DHX15: variants seen among roughly 807,000 people sequenced by gnomAD.
DHX15 encodes the protein DEAH-box helicase 15.
DHX15 carries 11 observed loss-of-function variants against 94.4 expected under a neutral mutation model. That is an observed-to-expected ratio of 0.12 (90% CI 0.07 to 0.19). The LOEUF (loss-of-function observed/expected upper bound fraction) is 0.19. Ranked by LOEUF, DHX15 falls within the 10% of genes least tolerant of loss-of-function variation. The pLI, the probability that DHX15 is intolerant of heterozygous loss-of-function variation, is 1.00. For synonymous variants in DHX15, 338 were observed against 329.9 expected, an observed-to-expected ratio of 1.02 and a Z score of -0.27; for missense variants, 304 against 988.5, an observed-to-expected ratio of 0.31 and a Z score of 9.29.
intron 5 of DHX15, among the ~76,000 whole-genome samples, chr4:24,550,003 G>C (rs1398485516): frequency 2.1e-5 from 3 of 145,904 alleles, no homozygotes; most frequent in African/African-American, 7.7e-5. Flanking sequence ...TGAGGCGGGA[G>C]AATCGCTTGA....
intron 5 of DHX15, among the ~76,000 whole-genome samples, chr4:24,549,702 T>C (rs1460562107): frequency 6.6e-6 from 1 of 152,140 alleles, no homozygotes; most frequent in Non-Finnish European, 1.5e-5. Context: ...GCTACAAACC[T>C]GAGGAGCATG....
At chr4:24,531,145 G>C (rs1486304608) in intron 12 of DHX15, among the ~76,000 whole-genome samples, 2 of 150,948 alleles carry the variant, frequency 1.3e-5, no homozygotes, top group Admixed American at 1.3e-4. Context: ...CTGGAGTGCA[G>C]TGGCGCTATC....
chr4:24,546,940 CA>C (rs1437329453), intron 6 of DHX15, among the ~76,000 whole-genome samples: 1 of 143,352 alleles, frequency 7.0e-6, no homozygotes, highest in African/African-American at 2.5e-5. Context: ...CAATTAGACA[CA>C]AACAGTAAGT....
chr4:24,582,080 A>T (rs1722429301), intron 1 of DHX15, among the ~76,000 whole-genome samples: 1 of 152,210 alleles, frequency 6.6e-6, no homozygotes, highest in East Asian at 1.9e-4. Context: ...GGAAAAAAAA[A>T]ATCTGCAGGA....
At chr4:24,541,730 A>C (rs1477244480) in intron 8 of DHX15, 143 bp downstream of exon 8, 2 of 798,948 alleles carry the variant, frequency 2.5e-6, no homozygotes, top group Non-Finnish European at 3.8e-6. Context: ...TAAGTTAATT[A>C]CACCATACAT....
chr4:24,573,620 A>T lies in DHX15; in HGVS notation c.507+2623T>A, dbSNP rs1003251149. 4.5e-4 allele frequency among the ~76,000 whole-genome samples: 68 copies of T among 151,994 alleles called. 1 individual carries two copies. The highest frequency in any genetic ancestry group is 4.3e-4 in the African/African-American group (18 of 41,452). On this transcript the variant is annotated intron_variant, in intron 2 of 13. Coordinates refer to ENST00000336812, the MANE Select transcript of DHX15 (RefSeq NM_001358.3). ...TGTTCACTAGACAGGAGTTTTTTTA[A>T]AAAAAAATCCTCATCATTCCTCTTC...
chr4:24,569,491 C>A (rs1722069120), intron 3 of DHX15, among the ~76,000 whole-genome samples: 2 of 145,726 alleles, frequency 1.4e-5, no homozygotes, highest in South Asian at 4.4e-4. Context: ...ACCTGAGAGG[C>A]TGAGGCAGGA....
At chr4:24,581,035 A>AT (rs201573984) in intron 1 of DHX15, 9,229 of 144,018 alleles carry the variant, frequency 0.064, 339 homozygotes, top group African/African-American at 0.11. Flanking sequence ...ATTTTTTATT[A>AT]TTTTTTTTTT....
At chr4:24,547,939 ATATC>A (rs1488939223) in intron 6 of DHX15, among the ~76,000 whole-genome samples, 14 of 27,158 alleles carry the variant, frequency 5.2e-4, no homozygotes, top group Admixed American at 1.2e-3. Context: ...ATATATATAT[ATATC>A]TATATCTATA....
chr4:24,539,421 A>G (rs1721260913), intron 10 of DHX15, among the ~76,000 whole-genome samples: 1 of 152,118 alleles, frequency 6.6e-6, no homozygotes, highest in South Asian at 2.1e-4. Flanking sequence ...GGAAAATCTA[A>G]TTTCCAAGTT....
intron 6 of DHX15, among the ~76,000 whole-genome samples, chr4:24,548,167 TG>T (rs1324118014): frequency 7.4e-6 from 1 of 135,734 alleles, no homozygotes; most frequent in Non-Finnish European, 1.6e-5. Flanking sequence ...TTTTTTGAGA[TG>T]GAGTCGCGCT....
intron 3 of DHX15, among the ~76,000 whole-genome samples, chr4:24,559,867 A>C (rs917833929): frequency 6.6e-6 from 1 of 152,204 alleles, no homozygotes; most frequent in Non-Finnish European, 1.5e-5. Flanking sequence ...AGTGATTCTG[A>C]TGATTGCTAA....
chr4:24,532,601 T>C (rs754294112), intron 12 of DHX15, among the ~76,000 whole-genome samples: 113 of 152,326 alleles, frequency 7.4e-4, no homozygotes, highest in Non-Finnish European at 1.1e-3. Context: ...TAACAAAGGC[T>C]CTATTAATAA....
At chr4:24,570,300 T>C (rs1722094336) in intron 3 of DHX15, among the ~76,000 whole-genome samples, 1 of 152,312 alleles carries the variant, frequency 6.6e-6, no homozygotes, top group Admixed American at 6.5e-5. Context: ...CATTCTTCTT[T>C]CTAAAAGTAG....
At chr4:24,547,437 A>C (rs7690853) in intron 6 of DHX15, among the ~76,000 whole-genome samples, 8,168 of 152,238 alleles carry the variant, frequency 0.054, 333 homozygotes, top group African/African-American at 0.11. Flanking sequence ...ACTTTAATTT[A>C]CTTCAACGAC....
At chr4:24,555,426 AAAT>A (rs1377592186) in intron 4 of DHX15, among the ~76,000 whole-genome samples, 1 of 152,180 alleles carries the variant, frequency 6.6e-6, no homozygotes, top group African/African-American at 2.4e-5. Context: ...TAAATTTAAT[AAAT>A]AATGATAGTA....
At chr4:24,570,314 T>C (rs1359528596) in intron 3 of DHX15, among the ~76,000 whole-genome samples, 5 of 152,134 alleles carry the variant, frequency 3.3e-5, no homozygotes, top group African/African-American at 1.2e-4. Context: ...AAAGTAGTTA[T>C]CTTTTACTAA....
intron 5 of DHX15, among the ~76,000 whole-genome samples, chr4:24,550,468 T>A (rs924066928): frequency 8.5e-5 from 13 of 152,180 alleles, no homozygotes; most frequent in African/African-American, 3.1e-4. Context: ...TCTCTTTATA[T>A]CCTTATTCTA....
chr4:24,574,082 T>A (rs1472964229), intron 2 of DHX15, among the ~76,000 whole-genome samples: 3 of 150,918 alleles, frequency 2.0e-5, no homozygotes, highest in Non-Finnish European at 4.4e-5. Context: ...GGTGCGCGCT[T>A]GTAGTCCCAG....
Sources: allele counts gnomAD v4.1 joint callset (sites outside exome capture counted in the v4.1 genomes callset), GRCh38; gene constraint gnomAD v4.1.1; transcripts MANE v1.5; gene names NCBI Gene and HGNC (gene_info 2026-07-23, HGNC 2026-07-21).